ERICH6: variants seen among roughly 807,000 people sequenced by gnomAD.
The protein encoded by ERICH6 is glutamate rich 6.
In ERICH6, 71 loss-of-function variants were observed where a neutral mutation model predicts 71.0. That is an observed-to-expected ratio of 1.00 (90% CI 0.83 to 1.22). The LOEUF (loss-of-function observed/expected upper bound fraction) is 1.22. ERICH6 is among the 50% of genes most tolerant of loss of function. The pLI is 0.00. For synonymous variants in ERICH6, 262 were observed against 278.4 expected (o/e 0.94, Z 0.59); for missense variants, 808 against 797.2 (o/e 1.01, Z -0.16).
chr3:150,694,951 T>C (rs951448699), intron 3 of ERICH6, among the ~76,000 whole-genome samples: 6 of 152,200 alleles, frequency 3.9e-5, no homozygotes, highest in African/African-American at 1.4e-4. Flanking sequence ...TCCTGGTTCA[T>C]AGATGGTGCC....
rs920257669 is a variant in ERICH6 at position 150,666,926 on chromosome 3, G to A, written c.1589C>T (p.Ser530Leu). 6 of 1,614,046 alleles carry A rather than the reference G, an allele frequency of 3.7e-6. No individual in the cohort carries two copies. The Admixed American group carries it at 5.0e-5, about 13-fold the overall frequency. The change falls in exon 13 of 14, where the codon TCA (serine) becomes TTA (leucine). Residue 530 changes from serine (S) to leucine (L), a missense_variant. Around this residue, in one of 3 missense-constraint regions of ERICH6, gnomAD observed 736 missense variants for 712.2 expected, o/e 1.03. Coordinates refer to ENST00000295910, the MANE Select transcript of ERICH6 (RefSeq NM_152394.5). ...AWNWSNSITS[S>L]PFVSFKPVFL... ...GACAGGTTTAAATGAAACAAAGGGT[G>A]AGGAAGTGATGGAATTTGACCAATT... is the stretch of plus-strand genomic sequence containing the variant.
At chr3:150,702,994 C>CAGAG (rs71676608) in intron 1 of ERICH6, among the ~76,000 whole-genome samples, 41,976 of 123,972 alleles carry the variant, frequency 0.34, 8,525 homozygotes, top group Non-Finnish European at 0.46. Context: ...GGAGGGGGAA[C>CAGAG]AGAGAGAGAG....
At chr3:150,683,949 C>T (rs942564402) in intron 6 of ERICH6, among the ~76,000 whole-genome samples, 4 of 152,222 alleles carry the variant, frequency 2.6e-5, no homozygotes, top group African/African-American at 9.6e-5. Flanking sequence ...AGTGCCAGTT[C>T]AGGGACGTCT....
chr3:150,677,610 C>T (rs1711711766), intron 10 of ERICH6, among the ~76,000 whole-genome samples: 2 of 152,148 alleles, frequency 1.3e-5, no homozygotes, highest in South Asian at 4.2e-4. Flanking sequence ...ATCCTCCTGC[C>T]TCAGCCCCCC....
intron 3 of ERICH6, among the ~76,000 whole-genome samples, chr3:150,690,465 T>C (rs1345048829): frequency 6.6e-6 from 1 of 152,094 alleles, no homozygotes; most frequent in African/African-American, 2.4e-5. Context: ...GCCTAATATA[T>C]CTATGTATTT....
intron 1 of ERICH6, among the ~76,000 whole-genome samples, chr3:150,703,047 T>C (rs1257036972): frequency 6.6e-6 from 1 of 151,056 alleles, no homozygotes; most frequent in Non-Finnish European, 1.5e-5. Context: ...AAAAATGTTA[T>C]AAAAATGAGC....
At chr3:150,673,281 G>A (rs1038682318) in intron 11 of ERICH6, among the ~76,000 whole-genome samples, 8 of 151,428 alleles carry the variant, frequency 5.3e-5, no homozygotes, top group East Asian at 2.0e-4. Flanking sequence ...TTGACCCCTC[G>A]GGCTCAAGCA....
At chr3:150,703,331 T>C (rs1713010718) in intron 1 of ERICH6, among the ~76,000 whole-genome samples, 165 bp downstream of exon 1, 1 of 152,104 alleles carries the variant, frequency 6.6e-6, no homozygotes, top group African/African-American at 2.4e-5. Flanking sequence ...AAGGGTTCAG[T>C]GTCTCTGACA....
At chr3:150,675,827 C>T (rs1213243060) in intron 10 of ERICH6, among the ~76,000 whole-genome samples, 1 of 147,214 alleles carries the variant, frequency 6.8e-6, no homozygotes, top group African/African-American at 2.5e-5. Flanking sequence ...TTTTTTTCCT[C>T]TGCTACTTCT....
At chr3:150,670,607 A>G (rs1344997380) in intron 11 of ERICH6, among the ~76,000 whole-genome samples, 1 of 152,160 alleles carries the variant, frequency 6.6e-6, no homozygotes, top group African/African-American at 2.4e-5. Context: ...GTTCTTGTAT[A>G]TAGAAAATCC....
intron 3 of ERICH6, 42 bp from the exon 4 acceptor site, chr3:150,686,396 GA>G: frequency 6.4e-7 from 1 of 1,553,900 alleles, no homozygotes; most frequent in Non-Finnish European, 8.8e-7. Context: ...TGACAAAGTA[GA>G]AAAGAAGCTG....
chr3:150,672,539 A>G (rs1711514808), intron 11 of ERICH6, among the ~76,000 whole-genome samples: 1 of 152,022 alleles, frequency 6.6e-6, no homozygotes, highest in Non-Finnish European at 1.5e-5. Flanking sequence ...TGGAGGTTGC[A>G]GTGAGCCAAG....
At chr3:150,685,043 G>A (rs1712123741) in intron 6 of ERICH6, among the ~76,000 whole-genome samples, 1 of 151,998 alleles carries the variant, frequency 6.6e-6, no homozygotes, top group Admixed American at 6.6e-5. Context: ...AAAAAAGACA[G>A]GGTCTCTCTC....
chr3:150,667,098 G>A, intron 12 of ERICH6, 83 bp from the exon 13 acceptor site: 1 of 1,300,976 alleles, frequency 7.7e-7, no homozygotes, highest in African/African-American at 1.5e-5. Context: ...TGCTAACCAA[G>A]GGGAGTAACG....
At chr3:150,695,623 G>A (rs1255029251) in intron 3 of ERICH6, among the ~76,000 whole-genome samples, 3 of 152,062 alleles carry the variant, frequency 2.0e-5, no homozygotes, top group African/African-American at 4.8e-5. Flanking sequence ...GGCCGAGATC[G>A]CGCCACTCCA....
At chr3:150,701,077 G>T (rs1712851898) in intron 2 of ERICH6, among the ~76,000 whole-genome samples, 1 of 151,980 alleles carries the variant, frequency 6.6e-6, no homozygotes, top group East Asian at 1.9e-4. Flanking sequence ...GCTTGGAAAA[G>T]TAATATAACT....
At chr3:150,669,262 AC>A in intron 12 of ERICH6, 33 bp downstream of exon 12, 1 of 1,553,102 alleles carries the variant, frequency 6.4e-7, no homozygotes, top group Non-Finnish European at 8.7e-7. Flanking sequence ...AACAAAAGCC[AC>A]AAAATGGCAG....
At chr3:150,690,149 T>C (rs1478054389) in intron 3 of ERICH6, among the ~76,000 whole-genome samples, 2 of 152,234 alleles carry the variant, frequency 1.3e-5, no homozygotes, top group Admixed American at 1.3e-4. Flanking sequence ...AAAAGATAGG[T>C]AGTCCCTGTC....
Position 150,702,163 on chromosome 3 carries a change from AAT to A in ERICH6, c.417_418del (p.Phe140SerfsTer4), listed in dbSNP as rs1712899532. On this transcript the variant is annotated frameshift_variant, in exon 2 of 14. Transcript: ENST00000295910. LOFTEE classifies it high-confidence loss of function. The stretch of plus-strand genomic sequence containing the variant: ...AGACATGTCTTTCCTAAATGTCTGA[AAT>A]ATTTTAGGGAAACCTGTTGAATGAA... 6.3e-7 allele frequency: 1 copy of A among 1,582,804 alleles called. No homozygotes were observed. The highest frequency in any genetic ancestry group is 1.4e-5 in the African/African-American group (1 of 73,892).
Sources: gnomAD v4.1 joint callset for allele counts (sites outside exome capture counted in the v4.1 genomes callset) on GRCh38, gnomAD v4.1.1 for gene constraint, gnomAD v4.1.1 regional missense constraint, MANE v1.5 for transcripts, NCBI Gene and HGNC (gene_info 2026-07-23, HGNC 2026-07-21) for gene names.